The following CAPZB variants were observed in gnomAD, a reference collection of about 807,000 sequenced individuals.
CAPZB encodes the protein capping actin protein of muscle Z-line subunit beta.
Under a neutral mutation model 38.1 loss-of-function variants are expected in CAPZB, and 2 were observed. That is an observed-to-expected ratio of 0.05 (90% CI 0.02 to 0.17). The LOEUF is 0.17. CAPZB is among the 10% of genes least tolerant of loss of function. The pLI is 1.00. For missense variants in CAPZB, 161 were observed against 334.2 expected (o/e 0.48, Z 4.04); for synonymous variants, 107 against 127.4 (o/e 0.84, Z 1.08).
rs1333438765 is a variant in CAPZB at position 19,461,231 on chromosome 1, T to C, written c.3+24205A>G. 2.0e-5 allele frequency among the ~76,000 whole-genome samples: 3 copies of C among 152,254 alleles called. No homozygotes were observed. In the East Asian group the frequency reaches 5.8e-4, roughly 30 times the overall value. ...AGGGACTTGCACAAGGTCACCCAGC[T>C]AGTAAGCAGGGGGTGGAGCCCACTT... On this transcript the variant is annotated intron_variant, in intron 1 of 8. Transcript: ENST00000264202.
chr1:19,406,304 C>T (rs2094331789), intron 2 of CAPZB, among the ~76,000 whole-genome samples: 1 of 152,184 alleles, frequency 6.6e-6, no homozygotes, highest in African/African-American at 2.4e-5. Context: ...CACCCCTCCC[C>T]CCGGCACTAC....
intron 2 of CAPZB, among the ~76,000 whole-genome samples, chr1:19,419,320 C>T (rs543041212): frequency 2.0e-5 from 3 of 152,260 alleles, no homozygotes; most frequent in African/African-American, 4.8e-5. Flanking sequence ...GTCTGGCCTG[C>T]GTGCACTGCT....
intron 6 of CAPZB, among the ~76,000 whole-genome samples, chr1:19,348,504 G>C (rs1023807184): frequency 6.6e-6 from 1 of 152,080 alleles, no homozygotes; most frequent in South Asian, 2.1e-4. Context: ...GGTGGTGGGT[G>C]GGGAGGGATG....
intron 6 of CAPZB, among the ~76,000 whole-genome samples, chr1:19,354,064 A>G (rs214341): frequency 0.45 from 68,730 of 152,172 alleles, 15,774 homozygotes; most frequent in African/African-American, 0.54. Context: ...CAGTTGTGGC[A>G]TGGTAGAAAG....
chr1:19,353,704 C>T (rs2094004415), intron 6 of CAPZB, among the ~76,000 whole-genome samples: 1 of 152,180 alleles, frequency 6.6e-6, no homozygotes, highest in Non-Finnish European at 1.5e-5. Flanking sequence ...ATTGGACTCC[C>T]TAGAAACCTC....
At chr1:19,343,103 C>T (rs1021962287) in intron 8 of CAPZB, among the ~76,000 whole-genome samples, 18 of 152,198 alleles carry the variant, frequency 1.2e-4, no homozygotes, top group Non-Finnish European at 2.4e-4. Flanking sequence ...CTCTCCCCCA[C>T]TTCCCAGCCA....
intron 1 of CAPZB, among the ~76,000 whole-genome samples, chr1:19,421,483 C>A (rs1462950913): frequency 6.6e-6 from 1 of 152,218 alleles, no homozygotes; most frequent in Non-Finnish European, 1.5e-5. Flanking sequence ...GGCTCCCCTG[C>A]AAAGAGAAAA....
chr1:19,435,007 A>AAG (rs63492160), intron 1 of CAPZB, among the ~76,000 whole-genome samples: 45 of 132,982 alleles, frequency 3.4e-4, no homozygotes, highest in Non-Finnish European at 6.0e-4. Context: ...GAAAAAAAAA[A>AAG]ACACACTCAT....
chr1:19,480,726 C>T (rs1204288195), intron 1 of CAPZB, among the ~76,000 whole-genome samples: 1 of 152,234 alleles, frequency 6.6e-6, no homozygotes, highest in Non-Finnish European at 1.5e-5. Flanking sequence ...TCTGGCAACA[C>T]ATGGTGCCCA....
At chr1:19,449,077 G>T in intron 1 of CAPZB, 1 of 1,442,378 alleles carries the variant, frequency 6.9e-7, no homozygotes, top group Non-Finnish European at 9.1e-7. Flanking sequence ...CAGCTGGCCA[G>T]ATGGTTTTCA....
intron 4 of CAPZB, among the ~76,000 whole-genome samples, chr1:19,367,263 T>C (rs1330194724): frequency 2.6e-5 from 4 of 152,154 alleles, no homozygotes; most frequent in Non-Finnish European, 5.9e-5. Context: ...TGAGGAGATA[T>C]AAGGAAGATC....
intron 8 of CAPZB, 96 bp downstream of exon 8, chr1:19,344,262 G>T: frequency 1.1e-6 from 1 of 932,610 alleles, no homozygotes; most frequent in Non-Finnish European, 1.8e-6. Flanking sequence ...TACCAATGAG[G>T]ACACCGAGGC....
intron 2 of CAPZB, among the ~76,000 whole-genome samples, chr1:19,397,239 T>A (rs1226430990): frequency 6.6e-6 from 1 of 152,234 alleles, no homozygotes; most frequent in Non-Finnish European, 1.5e-5. Context: ...AGTGAGGACT[T>A]ACTGAACTAT....
At chr1:19,373,856 A>G (rs918240944) in intron 4 of CAPZB, among the ~76,000 whole-genome samples, 1 of 151,534 alleles carries the variant, frequency 6.6e-6, no homozygotes, top group African/African-American at 2.4e-5. Flanking sequence ...TGCCTGACTA[A>G]TGTTTATATT....
intron 1 of CAPZB, among the ~76,000 whole-genome samples, chr1:19,422,960 G>A (rs1001221606): frequency 1.3e-5 from 2 of 152,206 alleles, no homozygotes; most frequent in African/African-American, 4.8e-5. Context: ...GTTGACCAGA[G>A]AAGCTCAAGG....
intron 1 of CAPZB, among the ~76,000 whole-genome samples, chr1:19,482,955 A>G (rs1269673946): frequency 4.6e-5 from 7 of 152,224 alleles, no homozygotes; most frequent in African/African-American, 1.7e-4. Context: ...GACTGAGAGA[A>G]TGAATATGAA....
At chr1:19,446,170 G>A (rs751554000) in intron 1 of CAPZB, among the ~76,000 whole-genome samples, 3 of 152,184 alleles carry the variant, frequency 2.0e-5, no homozygotes, top group Admixed American at 2.0e-4. Context: ...TGCCAGGCTC[G>A]CTTTAAAGCC....
intron 2 of CAPZB, among the ~76,000 whole-genome samples, chr1:19,393,113 A>C (rs1181650342): frequency 2.0e-5 from 3 of 152,242 alleles, no homozygotes; most frequent in African/African-American, 7.2e-5. Flanking sequence ...CCAGTTTGTC[A>C]TTAGGAACAC....
chr1:19,415,844 A>G (rs1385080263), intron 2 of CAPZB, among the ~76,000 whole-genome samples: 1 of 152,270 alleles, frequency 6.6e-6, no homozygotes, highest in Non-Finnish European at 1.5e-5. Flanking sequence ...TGGCCAATGC[A>G]TGTCAATATA....
Sources: gnomAD v4.1 joint callset for allele counts (sites outside exome capture counted in the v4.1 genomes callset) on GRCh38, gnomAD v4.1.1 for gene constraint, MANE v1.5 for transcripts, NCBI Gene and HGNC (gene_info 2026-07-23, HGNC 2026-07-21) for gene names.